The following ZFAT variants were observed in gnomAD, a reference collection of about 807,000 sequenced individuals.
The protein encoded by ZFAT is zinc finger protein ZFAT.
A neutral mutation model predicts 117.7 loss-of-function variants in ZFAT; 64 were observed. That is an observed-to-expected ratio of 0.54 (90% CI 0.44 to 0.67). The LOEUF (loss-of-function observed/expected upper bound fraction) is 0.67. Among genes scored for constraint, ZFAT ranks in the 30% least tolerant of loss-of-function variants. The probability of loss-of-function intolerance (pLI) is 0.00; values close to 1 mark genes in which losing one functional copy is unlikely to be tolerated. For missense variants in ZFAT, 1,433 were observed against 1,584.5 expected (o/e 0.90, Z 1.62); for synonymous variants, 679 against 615.0 (o/e 1.10, Z -1.54).
rs1225066765 is a variant in ZFAT, at chr8:134,532,862, C to A, written c.3087G>T (p.Glu1029Asp). ...GCTGGATGAGCACCTCCGCTGCCAG[C>A]TCCCCGGTGCCCACGTTGGCATACT... Reference protein sequence around the residue: ...NEEYANVGTGELAAEVLIQQG... With the variant: ...NEEYANVGTGDLAAEVLIQQG... The change falls in exon 12 of 16, where the codon GAG becomes GAT. Residue 1029 changes from glutamate to aspartate, a missense_variant. Transcript: ENST00000377838. 4.3e-6 allele frequency: 7 copies of A among 1,609,656 alleles called. No homozygotes were observed. The highest frequency in any genetic ancestry group is 1.7e-5 in the Admixed American group (1 of 59,486).
intron 11 of ZFAT, among the ~76,000 whole-genome samples, chr8:134,551,404 A>G (rs746434003): frequency 2.6e-5 from 4 of 152,252 alleles, no homozygotes; most frequent in African/African-American, 4.8e-5. Context: ...GCACATGGCT[A>G]TTACAAAGAA....
chr8:134,629,343 A>G (rs983338227), intron 3 of ZFAT, among the ~76,000 whole-genome samples: 6 of 152,174 alleles, frequency 3.9e-5, no homozygotes, highest in Non-Finnish European at 8.8e-5. Context: ...GAAATCAGGC[A>G]AATGGATAAG....
At chr8:134,500,328 G>A (rs1000287726) in intron 15 of ZFAT, among the ~76,000 whole-genome samples, 3 of 152,202 alleles carry the variant, frequency 2.0e-5, no homozygotes. Context: ...CAAGGCTGTA[G>A]CTTCTTGGGG....
upstream of ZFAT, among the ~76,000 whole-genome samples, chr8:134,714,114 C>T (rs1045104969): frequency 2.1e-5 from 3 of 140,480 alleles, no homozygotes; most frequent in South Asian, 2.6e-4. Flanking sequence ...CATGCCCCCC[C>T]CCCCCCAAAA....
At chr8:134,809,382 C>T in the ZFAT span, among the ~76,000 whole-genome samples, 1 of 152,224 alleles carries the variant, frequency 6.6e-6, no homozygotes, top group Non-Finnish European at 1.5e-5. Context: ...GTCTCAATAA[C>T]ATGCCTAAAG....
At chr8:134,779,258 C>A in the ZFAT span, among the ~76,000 whole-genome samples, 20 of 151,704 alleles carry the variant, frequency 1.3e-4, no homozygotes, top group Admixed American at 1.2e-3. Context: ...ATAAAATTAA[C>A]AATTTAGATC....
At position 134,560,070 on chromosome 8, in the gene ZFAT, G is replaced by C. The variant is rs181029011; in HGVS notation, c.2976+5263C>G. Among the ~76,000 whole-genome samples the C allele has an allele frequency of 3.9e-5, 6 of 152,252 alleles. No homozygotes were observed. The East Asian group carries it at 1.2e-3, about 29-fold the overall frequency. ...GAGAGAAATCTAGCATAGTTTCCTA[G>C]AATGAATGGGCCATTCAATCAATCT... On this transcript the variant is annotated intron_variant, in intron 11 of 15. Transcript: ENST00000377838.
chr8:134,496,642 A>C (rs1818460886), intron 15 of ZFAT, among the ~76,000 whole-genome samples: 1 of 152,230 alleles, frequency 6.6e-6, no homozygotes, highest in African/African-American at 2.4e-5. Context: ...GCCCTGAGCC[A>C]AGTGCTAGAG....
chr8:134,747,451 GATT>G, the ZFAT span, among the ~76,000 whole-genome samples: 1 of 151,818 alleles, frequency 6.6e-6, no homozygotes, highest in Non-Finnish European at 1.5e-5. Flanking sequence ...ATCTTATATA[GATT>G]ATTAATTGGC....
At chr8:134,487,034 G>A (rs890076739) in intron 15 of ZFAT, among the ~76,000 whole-genome samples, 1 of 152,156 alleles carries the variant, frequency 6.6e-6, no homozygotes, top group East Asian at 1.9e-4. Context: ...CCATATATTT[G>A]CATATGTCTA....
At chr8:134,817,476 T>G in the ZFAT span, among the ~76,000 whole-genome samples, 1 of 149,070 alleles carries the variant, frequency 6.7e-6, no homozygotes, top group Non-Finnish European at 1.5e-5. Flanking sequence ...GAACCCAACT[T>G]ACAGAGGCAT....
intron 2 of ZFAT, among the ~76,000 whole-genome samples, chr8:134,653,495 G>A (rs1251451376): frequency 1.4e-5 from 2 of 141,374 alleles, no homozygotes; most frequent in Non-Finnish European, 3.0e-5. Flanking sequence ...AAACTCCTGG[G>A]CTCAAGTGAT....
intron 15 of ZFAT, among the ~76,000 whole-genome samples, chr8:134,493,726 C>G (rs7462105): frequency 0.98 from 149,190 of 152,298 alleles, 73,093 homozygotes; most frequent in East Asian, 1. Context: ...CTTGGAGGAA[C>G]GGTCTGCTGC....
intron 3 of ZFAT, among the ~76,000 whole-genome samples, chr8:134,617,326 T>A (rs1054118818): frequency 6.6e-6 from 1 of 152,228 alleles, no homozygotes; most frequent in Non-Finnish European, 1.5e-5. Flanking sequence ...CCTCCTATGT[T>A]GGAAATGCTT....
intron 12 of ZFAT, among the ~76,000 whole-genome samples, chr8:134,530,313 A>T (rs2130544852): frequency 6.6e-6 from 1 of 152,368 alleles, no homozygotes; most frequent in South Asian, 2.1e-4. Flanking sequence ...CCAAATAGGG[A>T]TGGAGAGAGT....
At chr8:134,754,481 G>A in the ZFAT span, among the ~76,000 whole-genome samples, 3 of 152,212 alleles carry the variant, frequency 2.0e-5, no homozygotes, top group Non-Finnish European at 2.9e-5. Context: ...AACATGGGCT[G>A]CCGGTCACAC....
At chr8:134,713,148 C>G (rs1049441710), upstream of ZFAT, 4 of 340,780 alleles carry the variant, frequency 1.2e-5, no homozygotes, top group African/African-American at 6.4e-5. Context: ...CGCGCATGCT[C>G]GCAGTCGGAG....
chr8:134,715,460 G>T (rs1482098666), upstream of ZFAT, among the ~76,000 whole-genome samples: 9 of 152,348 alleles, frequency 5.9e-5, no homozygotes, highest in Middle Eastern at 3.4e-3. Context: ...GCCCCTTTCT[G>T]TGGGGGAATC....
intron 11 of ZFAT, among the ~76,000 whole-genome samples, chr8:134,538,980 T>C (rs1343559935): frequency 6.6e-6 from 1 of 152,126 alleles, no homozygotes; most frequent in Non-Finnish European, 1.5e-5. Context: ...TGAGACCCTG[T>C]CTCTTAAAAA....
Sources: allele counts gnomAD v4.1 joint callset (sites outside exome capture counted in the v4.1 genomes callset), GRCh38; gene constraint gnomAD v4.1.1; transcripts MANE v1.5; gene names NCBI Gene and HGNC (gene_info 2026-07-23, HGNC 2026-07-21).